Variants in RUSF1 observed in about 807,000 individuals in gnomAD.
RUSF1 encodes the protein RUS1 family protein C16orf58.
In RUSF1, 58 loss-of-function variants were observed where a neutral mutation model predicts 63.0. The ratio of observed to expected loss-of-function variants is 0.92; its 90% CI spans 0.75 to 1.15. The LOEUF is 1.15. RUSF1 is among the 50% of genes most tolerant of loss of function. The pLI is 0.00. For missense variants in RUSF1, 652 were observed against 611.0 expected (o/e 1.07, Z -0.71); for synonymous variants, 274 against 255.8 (o/e 1.07, Z -0.68).
rs529002883 is a variant in RUSF1, at chr16:31,489,504, A to G, written c.*1331T>C. On this transcript the variant is annotated 3_prime_UTR_variant, in exon 13 of 13. Coordinates refer to ENST00000327237, the MANE Select transcript of RUSF1 (RefSeq NM_022744.4). ...CGAGCAAGAATTTTTATTTAAATAC[A>G]TTTATTTGAACCGGCCTGGGGGAGG... is the stretch of plus-strand genomic sequence containing the variant. 5 of 680,734 alleles carry G rather than the reference A, an allele frequency of 7.3e-6. No homozygotes were observed. Among genetic ancestry groups the G allele is most frequent in the African/African-American group, 5.3e-5 (3 of 56,644 alleles). 42.2% of individuals were successfully genotyped at this position (680,734 alleles called of 1,614,324 possible). A position where few individuals can be genotyped will look rare whatever the true frequency, so the allele number is the denominator to read the frequency against.
intron 2 of RUSF1, among the ~76,000 whole-genome samples, chr16:31,506,653 C>A (rs1251330213): frequency 1.3e-5 from 2 of 152,218 alleles, no homozygotes; most frequent in African/African-American, 4.8e-5. Context: ...CAGGGTGGCA[C>A]ATGCCTGTAA....
At chr16:31,505,723 G>C (rs2082655631) in intron 2 of RUSF1, among the ~76,000 whole-genome samples, 2 of 152,196 alleles carry the variant, frequency 1.3e-5, no homozygotes, top group Non-Finnish European at 2.9e-5. Context: ...AGACTTCTAA[G>C]ATAGAAACCA....
intron 5 of RUSF1, 65 bp from the exon 6 acceptor site, chr16:31,497,015 C>T: frequency 1.5e-6 from 2 of 1,353,558 alleles, no homozygotes; most frequent in Non-Finnish European, 2.0e-6. Context: ...GGCACTCAGA[C>T]CAGCTGGAGA....
rs757315090 is a variant in RUSF1 at position 31,490,168 on chromosome 16, A to G, written c.*667T>C. 1 of 1,614,162 alleles carries G rather than the reference A, an allele frequency of 6.2e-7. No individual in the cohort carries two copies. The highest frequency in any genetic ancestry group is 8.5e-7 in the Non-Finnish European group (1 of 1,180,032). On this transcript the variant is annotated 3_prime_UTR_variant, in exon 13 of 13. Transcript: ENST00000327237. The stretch of plus-strand genomic sequence containing the variant: ...GAACGGGAGGACCTGGATGCTGATG[A>G]GCAGCAAGGCTCCTCACTCCCTGTA...
chr16:31,492,591 G>T (rs982821693), intron 10 of RUSF1, among the ~76,000 whole-genome samples: 1 of 152,162 alleles, frequency 6.6e-6, no homozygotes, highest in African/African-American at 2.4e-5. Context: ...TGGCTAGTGA[G>T]AATAAGCACC....
chr16:31,499,382 C>A lies in RUSF1; in HGVS notation c.520G>T (p.Val174Leu). The A allele has an allele frequency of 6.2e-7, 1 of 1,613,926 alleles. No individual in the cohort carries two copies. Among genetic ancestry groups the A allele is most frequent in the South Asian group, 1.1e-5 (1 of 91,062 alleles). The change falls in exon 5 of 13, where the codon GTA (valine) becomes TTA (leucine). Residue 174 changes from valine (V) to leucine (L), a missense_variant. Coordinates refer to ENST00000327237, the MANE Select transcript of RUSF1 (RefSeq NM_022744.4). The stretch of plus-strand genomic sequence containing the variant: ...GCCATAATCTCAAGGAACATGGCTA[C>A]GTCATTGAGGATGTCCGCAAAAAGC... ...WRLFADILND[V>L]AMFLEIMAPV...
rs376524036 is a variant in RUSF1 at position 31,496,873 on chromosome 16, G to A, written c.678C>T (p.Asp226=). The change falls in exon 6 of 13, where the codon GAC becomes GAT. Residue 226 remains aspartate, a synonymous_variant. Coordinates refer to ENST00000327237, the MANE Select transcript of RUSF1 (RefSeq NM_022744.4). The part of the protein sequence containing the change: ...VHQARRNNMA[D]VSAKDSSQET... ...CCTGGCTGCTGTCCTTGGCTGACACGTCAGCCATGTTGTTCCTCCGAGCCT... is the reference window on the plus strand; with the variant it reads ...CCTGGCTGCTGTCCTTGGCTGACACATCAGCCATGTTGTTCCTCCGAGCCT... The A allele has an allele frequency of 5.3e-5, 85 of 1,604,324 alleles. No homozygotes were observed. The highest frequency in any genetic ancestry group is 2.3e-4 in the South Asian group (20 of 88,880).
rs561587379 is a variant in RUSF1, at chr16:31,496,089, T to C, written c.702+760A>G. Reference sequence around the variant, plus strand: ...CTACCTCAAAGGGTTGGTGTGAGAGTTTGTTTGTTTTTGAGACAGGGTCTT... The same window carrying C: ...CTACCTCAAAGGGTTGGTGTGAGAGCTTGTTTGTTTTTGAGACAGGGTCTT... On this transcript the variant is annotated intron_variant, in intron 6 of 12. Transcript: ENST00000327237. Among the ~76,000 whole-genome samples the C allele has an allele frequency of 7.3e-5, 11 of 151,696 alleles. No individual in the cohort carries two copies. The South Asian group carries it at 1.7e-3, about 23-fold the overall frequency.
rs139986790 is a variant in RUSF1, at chr16:31,490,431, C to A, written c.*404G>T. On this transcript the variant is annotated 3_prime_UTR_variant, in exon 13 of 13. Coordinates refer to ENST00000327237, the MANE Select transcript of RUSF1 (RefSeq NM_022744.4). Reference sequence around the variant, plus strand: ...GGAGGAGGCAGCGGCAGCAGCCAGGCGGCTGGAGGACATCAGCGAGGACCC... The same window carrying A: ...GGAGGAGGCAGCGGCAGCAGCCAGGAGGCTGGAGGACATCAGCGAGGACCC... The A allele has an allele frequency of 1.2e-6, 2 of 1,613,590 alleles. No homozygotes were observed. Among genetic ancestry groups the A allele is most frequent in the African/African-American group, 1.3e-5 (1 of 74,942 alleles).
At chr16:31,506,648 T>A (rs1192986136) in intron 2 of RUSF1, among the ~76,000 whole-genome samples, 2 of 151,952 alleles carry the variant, frequency 1.3e-5, no homozygotes, top group Non-Finnish European at 2.9e-5. Flanking sequence ...CGGGGCAGGG[T>A]GGCACATGCC....
At chr16:31,505,720 T>G (rs893999394) in intron 2 of RUSF1, among the ~76,000 whole-genome samples, 1 of 152,206 alleles carries the variant, frequency 6.6e-6, no homozygotes, top group African/African-American at 2.4e-5. Flanking sequence ...GAGAGACTTC[T>G]AAGATAGAAA....
At chr16:31,496,565 C>CA (rs1567396466) in intron 6 of RUSF1, among the ~76,000 whole-genome samples, 1 of 152,222 alleles carries the variant, frequency 6.6e-6, no homozygotes, top group African/African-American at 2.4e-5. Flanking sequence ...ATTGCCTTGA[C>CA]ATGTGGGGCC....
intron 2 of RUSF1, 73 bp downstream of exon 2, chr16:31,507,685 CATACAT>C: frequency 7.6e-7 from 1 of 1,317,930 alleles, no homozygotes; most frequent in Non-Finnish European, 1.1e-6. Context: ...GGCACGAGTC[CATACAT>C]ATATACACAT....
intron 6 of RUSF1, among the ~76,000 whole-genome samples, chr16:31,494,959 C>T (rs548460816): frequency 1.5e-4 from 23 of 152,270 alleles, no homozygotes; most frequent in African/African-American, 5.5e-4. Flanking sequence ...CAGGCATGAG[C>T]TGGAATAACT....
chr16:31,491,111 A>G (rs796270759), intron 12 of RUSF1, among the ~76,000 whole-genome samples, 179 bp from the exon 13 acceptor site: 8 of 152,304 alleles, frequency 5.3e-5, no homozygotes, highest in African/African-American at 1.9e-4. Context: ...AATGGCACAC[A>G]GAAGAGCGCT....
Position 31,489,581 on chromosome 16 carries a change from T to C in RUSF1, c.*1254A>G. 1.7e-6 allele frequency: 1 copy of C among 592,474 alleles called. No individual in the cohort carries two copies. Among genetic ancestry groups the C allele is most frequent in the Non-Finnish European group, 3.0e-6 (1 of 331,096 alleles). 36.7% of individuals were successfully genotyped at this position (592,474 alleles called of 1,614,324 possible). On this transcript the variant is annotated 3_prime_UTR_variant, in exon 13 of 13. Transcript: ENST00000327237. ...AGCCTCCCAAAGCCAATCCTTGGCA[T>C]GGCCTTTGGGACTCAAAACACAGGA...
chr16:31,502,931 A>G (rs2082639957), intron 2 of RUSF1, among the ~76,000 whole-genome samples: 1 of 152,246 alleles, frequency 6.6e-6, no homozygotes, highest in African/African-American at 2.4e-5. Flanking sequence ...TGCCCAGCTC[A>G]GACTCTATTT....
chr16:31,495,090 AC>A (rs1262057976), intron 6 of RUSF1, among the ~76,000 whole-genome samples: 1 of 152,128 alleles, frequency 6.6e-6, no homozygotes, highest in African/African-American at 2.4e-5. Flanking sequence ...AAGGAACAAG[AC>A]CCACACCTCT....
At chr16:31,502,116 T>C (rs1158027618) in intron 2 of RUSF1, among the ~76,000 whole-genome samples, 1 of 152,154 alleles carries the variant, frequency 6.6e-6, no homozygotes, top group Non-Finnish European at 1.5e-5. Flanking sequence ...GAGGGACTCA[T>C]ACAGTGGACA....
Sources: allele counts gnomAD v4.1 joint callset (sites outside exome capture counted in the v4.1 genomes callset), GRCh38; gene constraint gnomAD v4.1.1; transcripts MANE v1.5; gene names NCBI Gene and HGNC (gene_info 2026-07-23, HGNC 2026-07-21).